CLN3: variants seen among roughly 807,000 people sequenced by gnomAD.
CLN3 encodes the protein CLN3 lysosomal/endosomal transmembrane protein, battenin.
In CLN3, 49 loss-of-function variants were observed where a neutral mutation model predicts 60.7. The ratio of observed to expected loss-of-function variants is 0.81; its 90% CI spans 0.64 to 1.02. The LOEUF (loss-of-function observed/expected upper bound fraction) is 1.02. CLN3 is among the 50% of genes least tolerant of loss of function. CLN3 has a pLI of 0.00. For synonymous variants in CLN3, 256 were observed against 245.8 expected, an observed-to-expected ratio of 1.04 and a Z score of -0.39; for missense variants, 516 against 557.4, an observed-to-expected ratio of 0.93 and a Z score of 0.75.
chr16:28,481,448 A>ACG lies in CLN3; in HGVS notation c.1056+656_1056+657insCG, dbSNP rs940664937. 1.9e-3 allele frequency among the ~76,000 whole-genome samples: 247 copies of ACG among 131,280 alleles called. 1 individual carries two copies. The highest frequency in any genetic ancestry group is 7.4e-3 in the Middle Eastern group (2 of 270). 86.1% of individuals were successfully genotyped at this position (131,280 alleles called of 152,430 possible). Reference sequence around the variant, plus strand: ...CACACACACACACACACACACACACACACACGCACACACACACACACACAC... The same window carrying ACG: ...CACACACACACACACACACACACACACGCACACGCACACACACACACACACAC... On this transcript the variant is annotated intron_variant, in intron 14 of 15. Coordinates refer to ENST00000636147, the MANE Select transcript of CLN3 (RefSeq NM_001042432.2).
intron 9 of CLN3, 40 bp downstream of exon 9, chr16:28,486,307 C>T (rs373724570): frequency 4.1e-5 from 66 of 1,610,022 alleles, no homozygotes; most frequent in Non-Finnish European, 5.4e-5. Flanking sequence ...CAAGTTTTCT[C>T]TCCTTGGACC....
chr16:28,472,461 T>G (rs528988595), downstream of CLN3, among the ~76,000 whole-genome samples: 2 of 152,160 alleles, frequency 1.3e-5, no homozygotes, highest in African/African-American at 4.8e-5. Context: ...CTGCACAGAC[T>G]GCTGTATCAC....
intron 3 of CLN3, among the ~76,000 whole-genome samples, chr16:28,489,895 A>C (rs531669989): frequency 6.6e-6 from 1 of 151,992 alleles, no homozygotes; most frequent in East Asian, 1.9e-4. Flanking sequence ...CGTCTCTACT[A>C]AAAAATACAA....
chr16:28,488,202 G>A (rs2046253526), intron 5 of CLN3: 1 of 170,918 alleles, frequency 5.9e-6, no homozygotes, highest in Non-Finnish European at 1.3e-5. Flanking sequence ...CACCATGCCT[G>A]GCTAATTTTT....
At chr16:28,472,928 C>T (rs988245483), downstream of CLN3, among the ~76,000 whole-genome samples, 14 of 150,016 alleles carry the variant, frequency 9.3e-5, no homozygotes, top group South Asian at 2.1e-4. Flanking sequence ...TGAGCCACTG[C>T]ACCCCGCCCC....
the CLN3 span, among the ~76,000 whole-genome samples, chr16:28,468,786 G>A: frequency 1.0e-5 from 1 of 99,498 alleles, no homozygotes; most frequent in South Asian, 3.1e-4. Flanking sequence ...CAGCCTGGGT[G>A]ACAGAGTGAG....
chr16:28,483,150 G>T (rs2141704970), intron 10 of CLN3, among the ~76,000 whole-genome samples: 1 of 152,192 alleles, frequency 6.6e-6, no homozygotes, highest in South Asian at 2.1e-4. Context: ...TAAACTTCAA[G>T]TAATATACAT....
At chr16:28,481,764 G>A (rs747902603) in intron 14 of CLN3, among the ~76,000 whole-genome samples, 28 of 152,108 alleles carry the variant, frequency 1.8e-4, no homozygotes, top group Non-Finnish European at 2.8e-4. Context: ...GGCTGAGGCC[G>A]GCAGATCACC....
In CLN3 at chr16:28,482,728, A is replaced by G. The variant is rs1052167347; in HGVS notation, c.791-56T>C. 4.1e-5 allele frequency: 65 copies of G among 1,582,342 alleles called. No homozygotes were observed. In the Admixed American group the frequency reaches 1.1e-3, roughly 26 times the overall value. ...GAAGTTTTCACACTGAAGACTCGGC[A>G]AAGAGGCACCGGTATGACAGAATTA... On this transcript the variant is annotated intron_variant, in intron 10 of 15. Coordinates refer to ENST00000636147, the MANE Select transcript of CLN3 (RefSeq NM_001042432.2).
At chr16:28,487,783 G>A in intron 5 of CLN3, 42 bp from the exon 6 acceptor site, 1 of 1,537,840 alleles carries the variant, frequency 6.5e-7, no homozygotes, top group South Asian at 1.1e-5. Context: ...GCTTCCAGGG[G>A]ACAACCCTCC....
downstream of CLN3, chr16:28,469,600 A>AAAAT (rs1260609826): frequency 9.8e-6 from 2 of 203,718 alleles, no homozygotes; most frequent in East Asian, 1.8e-4. Flanking sequence ...CTGTCTCAAA[A>AAAAT]AAATAAATAA....
At chr16:28,490,792 G>T (rs2046302427) in intron 3 of CLN3, among the ~76,000 whole-genome samples, 1 of 149,508 alleles carries the variant, frequency 6.7e-6, no homozygotes, top group South Asian at 2.1e-4. Context: ...GTTCAGGCCC[G>T]GCATGGTGGC....
At position 28,491,794 on chromosome 16, in the gene CLN3, C is replaced by T; in HGVS notation, c.-35G>A. 1 of 1,611,802 alleles carries T rather than the reference C, an allele frequency of 6.2e-7. No homozygotes were observed. The highest frequency in any genetic ancestry group is 8.5e-7 in the Non-Finnish European group (1 of 1,179,720). On this transcript the variant is annotated 5_prime_UTR_variant, in exon 2 of 16. An upstream start codon of the reference 5' UTR is lost. Coordinates refer to ENST00000636147, the MANE Select transcript of CLN3 (RefSeq NM_001042432.2). ...TTCAGGTCCCCCGAGGGTCCAGGGT[C>T]ATAGAGTGTCCAAAGGGGGCTCCCA...
chr16:28,486,776 G>A, intron 7 of CLN3, 126 bp from the exon 8 acceptor site: 1 of 924,720 alleles, frequency 1.1e-6, no homozygotes, highest in Non-Finnish European at 1.7e-6. Flanking sequence ...CCATGCATAG[G>A]CCAGGTTCCA....
At chr16:28,481,464 A>ACACG (rs2046095191) in intron 14 of CLN3, among the ~76,000 whole-genome samples, 1 of 139,708 alleles carries the variant, frequency 7.2e-6, no homozygotes, top group Non-Finnish European at 1.6e-5. Flanking sequence ...GCACACACAC[A>ACACG]CACACACACA....
Position 28,491,476 on chromosome 16 carries a change from A to G in CLN3, c.125+6T>C, listed in dbSNP as rs745440092. On this transcript the variant is annotated splice_donor_region_variant and intron_variant, in intron 3 of 15. Transcript: ENST00000636147. ...TTGTCACTCGCTGAAGTCTCAGGCC[A>G]CTCACCAGAAGCCCACCGCGTTCTT... The G allele has an allele frequency of 1.5e-5, 25 of 1,612,932 alleles. No individual in the cohort carries two copies. The highest frequency in any genetic ancestry group is 2.1e-5 in the Non-Finnish European group (25 of 1,179,982).
In CLN3 at chr16:28,486,490, C is replaced by A; in HGVS notation, c.534G>T (p.Arg178Ser). Reference protein sequence around the residue: ...TFLSLTAFYPRAVISWWSSGT... With the variant: ...TFLSLTAFYPSAVISWWSSGT... ...CTGAGGACCACCAGGAGATCACGGC[C>A]CTGGGAAGGAGAACACAGGAACATT... is the stretch of plus-strand genomic sequence containing the variant. Residue 178 changes from arginine (R) to serine (S), a missense_variant and splice_region_variant, in exon 9 of 16, where the codon AGG becomes AGT. By Grantham distance (110) the Arg-to-Ser change is moderately radical. Transcript: ENST00000636147. 1 of 1,612,358 alleles carries A rather than the reference C, an allele frequency of 6.2e-7. No individual in the cohort carries two copies. Among genetic ancestry groups the A allele is most frequent in the Non-Finnish European group, 8.5e-7 (1 of 1,179,300 alleles).
chr16:28,479,067 T>C (rs2046045337), intron 14 of CLN3, among the ~76,000 whole-genome samples: 4 of 152,066 alleles, frequency 2.6e-5, no homozygotes, highest in African/African-American at 9.7e-5. Flanking sequence ...CCCCAGGGTG[T>C]AGGTCCCACC....
chr16:28,485,571 C>CAAA lies in CLN3; in HGVS notation c.677+773_677+775dup, dbSNP rs67148714. The stretch of plus-strand genomic sequence containing the variant: ...TGAGTGACACCATGAGACTCCGTCT[C>CAAA]AAAAAAAAAAAAAAAAAAAAAAAAA... On this transcript the variant is annotated intron_variant, in intron 9 of 15. Coordinates refer to ENST00000636147, the MANE Select transcript of CLN3 (RefSeq NM_001042432.2). Among the ~76,000 whole-genome samples the CAAA allele has an allele frequency of 8.5e-4, 10 of 11,762 alleles. 2 individuals carry two copies. The highest frequency in any genetic ancestry group is 1.4e-3 in the Admixed American group (1 of 740). 7.7% of individuals were successfully genotyped at this position (11,762 alleles called of 152,430 possible). A position where few individuals can be genotyped will look rare whatever the true frequency, so the allele number is the denominator to read the frequency against.
Sources: allele counts gnomAD v4.1 joint callset (sites outside exome capture counted in the v4.1 genomes callset), GRCh38; gene constraint gnomAD v4.1.1; transcripts MANE v1.5; gene names NCBI Gene and HGNC (gene_info 2026-07-23, HGNC 2026-07-21).